SWT1: variants seen among roughly 807,000 people sequenced by gnomAD.
SWT1 encodes the protein transcriptional protein SWT1.
A neutral mutation model predicts 107.3 loss-of-function variants in SWT1; 33 were observed. The ratio of observed to expected loss-of-function variants is 0.31; its 90% CI spans 0.23 to 0.41. The LOEUF (loss-of-function observed/expected upper bound fraction) is 0.41. SWT1 is among the 10% of genes least tolerant of loss of function. The probability of loss-of-function intolerance (pLI) is 1.00; values close to 1 mark genes in which losing one functional copy is unlikely to be tolerated. For missense variants in SWT1, 898 were observed against 1,028.9 expected (o/e 0.87, Z 1.74); for synonymous variants, 345 against 348.3 (o/e 0.99, Z 0.11).
At chr1:185,225,779 T>G (rs1459738934) in intron 15 of SWT1, among the ~76,000 whole-genome samples, 1 of 152,224 alleles carries the variant, frequency 6.6e-6, no homozygotes, top group East Asian at 1.9e-4. Context: ...TTTCTTAGAA[T>G]GTATTCTTAT....
chr1:185,282,888 G>A (rs1486636371), intron 18 of SWT1, among the ~76,000 whole-genome samples: 3 of 152,084 alleles, frequency 2.0e-5, no homozygotes, highest in Admixed American at 6.6e-5. Context: ...CCTCCAGGTC[G>A]ACCAACTACC....
intron 18 of SWT1, among the ~76,000 whole-genome samples, chr1:185,282,268 GA>G (rs1664676292): frequency 1.3e-5 from 2 of 152,098 alleles, no homozygotes; most frequent in Middle Eastern, 3.4e-3. Flanking sequence ...ACTCTGTTGA[GA>G]AAAACCACAC....
rs1425297783 is a variant in SWT1, at chr1:185,182,006, G to C, written c.1087G>C (p.Glu363Gln). The change falls in exon 7 of 19, where the codon GAG becomes CAG. Residue 363 changes from glutamate to glutamine, a missense_variant. Physicochemically the swap from Glu to Gln is conservative, Grantham distance 29. Coordinates refer to ENST00000367500, the MANE Select transcript of SWT1 (RefSeq NM_017673.7). ...GGGAAAAAGTGTGGATTTACCTGGA[G>C]AGTTAATGAGTATGGAAATTGACTT... ...RVGKSVDLPGELMSMEIDLED... is the reference protein window; with the variant it reads ...RVGKSVDLPGQLMSMEIDLED... The C allele has an allele frequency of 1.2e-6, 2 of 1,613,794 alleles. No homozygotes were observed. Among genetic ancestry groups the C allele is most frequent in the South Asian group, 1.1e-5 (1 of 91,064 alleles).
chr1:185,287,877 A>G (rs970105584), intron 18 of SWT1, among the ~76,000 whole-genome samples: 3 of 152,206 alleles, frequency 2.0e-5, no homozygotes, highest in African/African-American at 7.2e-5. Context: ...ATACTAACTC[A>G]CGTGAATTAA....
chr1:185,224,329 T>A (rs1189515092), intron 15 of SWT1, among the ~76,000 whole-genome samples: 1 of 152,212 alleles, frequency 6.6e-6, no homozygotes, highest in Non-Finnish European at 1.5e-5. Flanking sequence ...CATGCTGTTT[T>A]GGTTACTATA....
rs1434956505 is a variant in SWT1 at position 185,174,456 on chromosome 1, A to G, written c.309A>G (p.Ser103=). The G allele has an allele frequency of 6.2e-7, 1 of 1,609,588 alleles. No individual in the cohort carries two copies. Residue 103 remains serine, a synonymous_variant, in exon 5 of 19, where the codon TCA becomes TCG. Transcript: ENST00000367500. The part of the protein sequence containing the change: ...SQRPIKLKEA[S]YSNDNQIILQ... ...GACCTATTAAACTCAAAGAAGCATCATATTCAAATGATAATCAAATTATTT... is the reference window on the plus strand; with the variant it reads ...GACCTATTAAACTCAAAGAAGCATCGTATTCAAATGATAATCAAATTATTT...
chr1:185,184,443 T>C (rs1314813158), intron 8 of SWT1, 99 bp downstream of exon 8: 2 of 733,700 alleles, frequency 2.7e-6, no homozygotes, highest in Middle Eastern at 2.7e-4. Flanking sequence ...ATGTCTCCAT[T>C]TAGATATGCT....
intron 18 of SWT1, among the ~76,000 whole-genome samples, chr1:185,279,484 T>C (rs923027007): frequency 2.6e-5 from 4 of 152,120 alleles, no homozygotes; most frequent in Non-Finnish European, 5.9e-5. Context: ...AACCCTCTTT[T>C]ATACCCAGAA....
chr1:185,219,747 C>T (rs1363604418), intron 14 of SWT1, among the ~76,000 whole-genome samples: 1 of 152,026 alleles, frequency 6.6e-6, no homozygotes, highest in Non-Finnish European at 1.5e-5. Context: ...GTGCTTTAAA[C>T]TATGCTTAGA....
intron 9 of SWT1, among the ~76,000 whole-genome samples, chr1:185,187,262 GTTGGC>G (rs1242210489): frequency 6.6e-6 from 1 of 151,652 alleles, no homozygotes. Flanking sequence ...GTTTTGTCAT[GTTGGC>G]CAGGCTGGTC....
intron 14 of SWT1, among the ~76,000 whole-genome samples, chr1:185,219,290 G>A (rs1230822970): frequency 6.6e-6 from 1 of 152,152 alleles, no homozygotes; most frequent in Non-Finnish European, 1.5e-5. Flanking sequence ...CCTTGGATGA[G>A]TTAATTAACC....
chr1:185,276,190 TA>T (rs1425798298), intron 17 of SWT1, among the ~76,000 whole-genome samples: 1 of 152,158 alleles, frequency 6.6e-6, no homozygotes, highest in Non-Finnish European at 1.5e-5. Flanking sequence ...ATCTCTGATA[TA>T]GATATTTATT....
intron 15 of SWT1, among the ~76,000 whole-genome samples, chr1:185,224,728 A>G (rs568326606): frequency 7.2e-5 from 11 of 152,180 alleles, no homozygotes; most frequent in African/African-American, 2.4e-4. Flanking sequence ...AGCTATTATA[A>G]ATTGAATTGT....
chr1:185,159,475 A>G (rs7526056), intron 1 of SWT1, among the ~76,000 whole-genome samples: 2,720 of 152,304 alleles, frequency 0.018, 76 homozygotes, highest in African/African-American at 0.061. Flanking sequence ...GGAGGTGGAC[A>G]GAGGAACTAC....
chr1:185,222,123 A>C, intron 15 of SWT1, 87 bp downstream of exon 15: 2 of 905,580 alleles, frequency 2.2e-6, no homozygotes, highest in Non-Finnish European at 3.1e-6. Flanking sequence ...TTTGATGTGC[A>C]ATTTGACGTT....
chr1:185,173,428 T>C (rs1655259111), intron 4 of SWT1, among the ~76,000 whole-genome samples: 2 of 151,442 alleles, frequency 1.3e-5, no homozygotes, highest in African/African-American at 4.9e-5. Context: ...GCGTAGTGGC[T>C]CATGCCTGTA....
rs944167970 is a variant in SWT1, at chr1:185,166,736, CTT to C, written c.165+88_165+89del. The C allele has an allele frequency of 3.3e-4, 272 of 828,536 alleles. No homozygotes were observed. In the African/African-American group the frequency reaches 4.3e-3, roughly 13 times the overall value. The allele number at this position is 828,536 out of a possible 1,614,324, so 51.3% of individuals were successfully genotyped here. A position where few individuals can be genotyped will look rare whatever the true frequency, so the allele number is the denominator to read the frequency against. Reference sequence around the variant, plus strand: ...GTTTGTGATATAAATTCCTCCTATACTTTTTGATAGCCAATAGAAAGTCAGTG... The same window carrying C: ...GTTTGTGATATAAATTCCTCCTATACTTTGATAGCCAATAGAAAGTCAGTG... On this transcript the variant is annotated intron_variant, in intron 3 of 18. Transcript: ENST00000367500.
chr1:185,224,320 A>G (rs1659892579), intron 15 of SWT1, among the ~76,000 whole-genome samples: 1 of 151,976 alleles, frequency 6.6e-6, no homozygotes, highest in African/African-American at 2.4e-5. Context: ...AGCCAGTACC[A>G]TGCTGTTTTG....
rs1436589500 is a variant in SWT1 at position 185,215,222 on chromosome 1, C to A, written c.2121+567C>A. ...CTTTATTGTTTTCTTTCTCTACCTA[C>A]CCACCTGTCTGTCTGTCCATCTATC... On this transcript the variant is annotated intron_variant, in intron 14 of 18. Coordinates refer to ENST00000367500, the MANE Select transcript of SWT1 (RefSeq NM_017673.7). 2.6e-5 allele frequency among the ~76,000 whole-genome samples: 4 copies of A among 152,252 alleles called. No individual in the cohort carries two copies. In the East Asian group the frequency reaches 7.7e-4, roughly 29 times the overall value.
Sources: allele counts gnomAD v4.1 joint callset (sites outside exome capture counted in the v4.1 genomes callset), GRCh38; gene constraint gnomAD v4.1.1; transcripts MANE v1.5; gene names NCBI Gene and HGNC (gene_info 2026-07-23, HGNC 2026-07-21).